PCDHA1: variants seen among roughly 807,000 people sequenced by gnomAD.
PCDHA1 encodes protocadherin alpha 1.
A neutral mutation model predicts 61.3 loss-of-function variants in PCDHA1; 42 were observed. The observed-to-expected ratio is 0.69, with a 90% CI of 0.54 to 0.89. The LOEUF is 0.89. PCDHA1 is among the 40% of genes least tolerant of loss of function. The pLI is 0.00. For missense variants in PCDHA1, 1,256 were observed against 1,235.3 expected (o/e 1.02, Z -0.25); for synonymous variants, 610 against 553.8 (o/e 1.10, Z -1.43).
chr5:140,822,298 G>A (rs782270445), intron 1 of PCDHA1: 4 of 1,614,222 alleles, frequency 2.5e-6, no homozygotes, highest in Non-Finnish European at 3.4e-6. Flanking sequence ...AAATCCAAAC[G>A]AATATTTTGA....
intron 1 of PCDHA1, among the ~76,000 whole-genome samples, chr5:140,919,693 T>C (rs1383014744): frequency 6.6e-6 from 1 of 152,234 alleles, no homozygotes; most frequent in Admixed American, 6.5e-5. Context: ...TTCAGATTTA[T>C]ATTAACTTAA....
At chr5:140,797,397 T>A (rs943252194) in intron 1 of PCDHA1, 3 of 1,557,104 alleles carry the variant, frequency 1.9e-6, no homozygotes, top group Non-Finnish European at 2.6e-6. Flanking sequence ...TTGTTCTTTT[T>A]AAAAAATTCT....
intron 1 of PCDHA1, chr5:140,867,045 T>C (rs1232896642): frequency 6.6e-6 from 1 of 152,200 alleles, no homozygotes; most frequent in Non-Finnish European, 1.5e-5. Flanking sequence ...ACTTGGCGTT[T>C]GTTCAGTACT....
rs2150365344 is a variant in PCDHA1 at position 140,843,702 on chromosome 5, A to C, written c.2394+55018A>C. ...GGCGAAGAGCAAGATTTAAATGTTG[A>C]TCATGGCCTCAAAGTAAGTCCATTT... On this transcript the variant is annotated intron_variant, in intron 1 of 3. Transcript: ENST00000504120. 12 of 1,580,560 alleles carry C rather than the reference A, an allele frequency of 7.6e-6. 1 individual carries two copies. In the African/African-American group the frequency reaches 1.5e-4, roughly 20 times the overall value.
chr5:140,872,768 A>C (rs527621278), intron 1 of PCDHA1, among the ~76,000 whole-genome samples: 1 of 152,292 alleles, frequency 6.6e-6, no homozygotes, highest in East Asian at 1.9e-4. Context: ...ATAGGGCTAT[A>C]TTATCTATAA....
chr5:140,828,609 G>A, intron 1 of PCDHA1: 1 of 1,614,194 alleles, frequency 6.2e-7, no homozygotes, highest in South Asian at 1.1e-5. Flanking sequence ...TATAAACTCA[G>A]TTCTAGCGAA....
chr5:140,829,943 G>C (rs2150178279), intron 1 of PCDHA1: 2 of 1,613,990 alleles, frequency 1.2e-6, no homozygotes, highest in East Asian at 2.2e-5. Flanking sequence ...GGCAAGCAGC[G>C]CTCGCTTCCC....
chr5:140,836,548 G>C (rs2150263673), intron 1 of PCDHA1: 1 of 1,613,752 alleles, frequency 6.2e-7, no homozygotes, highest in South Asian at 1.1e-5. Flanking sequence ...ACGGCGTTGC[G>C]GTGCTCAGCG....
At chr5:140,812,535 T>A (rs1554126002) in intron 1 of PCDHA1, 1 of 152,188 alleles carries the variant, frequency 6.6e-6, no homozygotes, top group Admixed American at 6.5e-5. Flanking sequence ...TTTGTCCTTT[T>A]TTTCTAGTTC....
At chr5:140,832,425 A>G (rs1162624158) in intron 1 of PCDHA1, among the ~76,000 whole-genome samples, 2 of 152,234 alleles carry the variant, frequency 1.3e-5, no homozygotes, top group Non-Finnish European at 2.9e-5. Context: ...AAAGAAGTAC[A>G]TGATAATTTT....
intron 1 of PCDHA1, chr5:140,968,744 G>T: frequency 6.2e-7 from 1 of 1,614,164 alleles, no homozygotes; most frequent in Non-Finnish European, 8.5e-7. Context: ...CAACCTGACC[G>T]TGGTGGTCCG....
In PCDHA1 at chr5:141,009,709, C is replaced by A; in HGVS notation, c.2625C>A (p.Asn875Lys). The A allele has an allele frequency of 6.2e-7, 1 of 1,614,118 alleles. No homozygotes were observed. Among genetic ancestry groups the A allele is most frequent in the Non-Finnish European group, 8.5e-7 (1 of 1,180,024 alleles). Reference sequence around the variant, plus strand: ...GGACCTTTAAATACGGACCAGGCAACCCCAAACAATCCGGTCCCGGTGAGT... The same window carrying A: ...GGACCTTTAAATACGGACCAGGCAAACCCAAACAATCCGGTCCCGGTGAGT... ...NSWTFKYGPG[N>K]PKQSGPGELP... is the part of the protein sequence containing the mutation. The change falls in exon 4 of 4, where the codon AAC (asparagine) becomes AAA (lysine). Residue 875 changes from asparagine (N) to lysine (K), a missense_variant. Physicochemically the swap from Asn to Lys is moderately conservative, Grantham distance 94. Transcript: ENST00000504120.
chr5:140,958,724 A>G (rs1563299236), intron 1 of PCDHA1, among the ~76,000 whole-genome samples: 1 of 152,188 alleles, frequency 6.6e-6, no homozygotes, highest in Admixed American at 6.5e-5. Context: ...TAAATGTAAC[A>G]CTGAATGGGA....
At chr5:140,892,721 T>A (rs1554185338) in intron 1 of PCDHA1, among the ~76,000 whole-genome samples, 1 of 152,226 alleles carries the variant, frequency 6.6e-6, no homozygotes, top group Admixed American at 6.5e-5. Flanking sequence ...ATTCATAATC[T>A]CAAACATTTA....
In PCDHA1 at chr5:140,857,847, C is replaced by G. The variant is rs782775653; in HGVS notation, c.2394+69163C>G. The G allele has an allele frequency of 1.4e-5, 23 of 1,597,872 alleles. 1 individual carries two copies. The South Asian group carries it at 2.0e-4, about 14-fold the overall frequency. On this transcript the variant is annotated intron_variant, in intron 1 of 3. Coordinates refer to ENST00000504120, the MANE Select transcript of PCDHA1 (RefSeq NM_018900.4). Reference sequence around the variant, plus strand: ...AAGGTGCGCGCAGTGGACGCTGACTCTGGATACAACGCGTGGCTGTCGTAT... The same window carrying G: ...AAGGTGCGCGCAGTGGACGCTGACTGTGGATACAACGCGTGGCTGTCGTAT...
At chr5:140,796,631 T>A (rs1554120018) in intron 1 of PCDHA1, 1 of 1,610,512 alleles carries the variant, frequency 6.2e-7, no homozygotes, top group South Asian at 1.1e-5. Context: ...GTGTTCGTGC[T>A]GGACGAGAAC....
intron 1 of PCDHA1, chr5:140,877,604 T>C: frequency 6.2e-7 from 1 of 1,613,886 alleles, no homozygotes. Flanking sequence ...TCCAGCCTGC[T>C]GGTGCTCACG....
At chr5:140,877,374 A>T in intron 1 of PCDHA1, 1 of 1,613,970 alleles carries the variant, frequency 6.2e-7, no homozygotes, top group African/African-American at 1.3e-5. Flanking sequence ...TCAGCACGAC[A>T]CGCATCCTGG....
At position 140,850,814 on chromosome 5, in the gene PCDHA1, C is replaced by A. The variant is rs2150499236; in HGVS notation, c.2394+62130C>A. The A allele has an allele frequency of 8.1e-6, 13 of 1,598,168 alleles. 1 individual carries two copies. In the South Asian group the frequency reaches 1.4e-4, roughly 18 times the overall value. On this transcript the variant is annotated intron_variant, in intron 1 of 3. Transcript: ENST00000504120. ...AGAAGACCGACCTCATGGCCTTCAG[C>A]CCGGGCCTTTCTCCTTGTGCTGGAT...
Sources: gnomAD v4.1 joint callset for allele counts (sites outside exome capture counted in the v4.1 genomes callset) on GRCh38, gnomAD v4.1.1 for gene constraint, MANE v1.5 for transcripts, NCBI Gene and HGNC (gene_info 2026-07-23, HGNC 2026-07-21) for gene names.